GPR39: variants seen among roughly 807,000 people sequenced by gnomAD.
GPR39 encodes the protein zinc sensing receptor.
A neutral mutation model predicts 18.4 loss-of-function variants in GPR39; 23 were observed. That is an observed-to-expected ratio of 1.25 (90% CI 0.90 to 1.77). The LOEUF is 1.77. GPR39 is among the 40% of genes most tolerant of loss of function. The pLI is 0.00. For missense variants in GPR39, 647 were observed against 602.4 expected (o/e 1.07, Z -0.78); for synonymous variants, 280 against 257.9 (o/e 1.09, Z -0.82).
intron 1 of GPR39, among the ~76,000 whole-genome samples, chr2:132,578,850 TTAA>T (rs375034724): frequency 5.3e-4 from 81 of 152,252 alleles, no homozygotes; most frequent in Middle Eastern, 3.4e-3. Context: ...ACTTGTGATA[TTAA>T]TAATTTGTGT....
rs549803566 is a variant in GPR39, at chr2:132,454,868, C to T, written c.856+36970C>T. Among the ~76,000 whole-genome samples, 15 of 152,266 alleles carry T rather than the reference C, an allele frequency of 9.9e-5. No homozygotes were observed. The South Asian group carries it at 2.5e-3, about 25-fold the overall frequency. On this transcript the variant is annotated intron_variant, in intron 1 of 1. Coordinates refer to ENST00000329321, the MANE Select transcript of GPR39 (RefSeq NM_001508.3). The stretch of plus-strand genomic sequence containing the variant: ...GGTAGATAAGATTTTTGATGTGCTG[C>T]TGGATTTGGTTTGCCAGTATTATAT...
At chr2:132,438,674 A>C (rs1352195117) in intron 1 of GPR39, among the ~76,000 whole-genome samples, 2 of 146,162 alleles carry the variant, frequency 1.4e-5, no homozygotes, top group Non-Finnish European at 3.0e-5. Context: ...AATATTTACT[A>C]TCTGGCCCTT....
At chr2:132,486,829 G>A (rs1172348576) in intron 1 of GPR39, among the ~76,000 whole-genome samples, 1 of 152,196 alleles carries the variant, frequency 6.6e-6, no homozygotes, top group Non-Finnish European at 1.5e-5. Context: ...TCACTGGAAA[G>A]GCAGTTTTAA....
chr2:132,596,637 A>G (rs922170068), intron 1 of GPR39, among the ~76,000 whole-genome samples: 4 of 150,740 alleles, frequency 2.7e-5, no homozygotes, highest in African/African-American at 7.3e-5. Context: ...CCTTCTCCCA[A>G]TCTTTATTTT....
At chr2:132,548,487 T>G (rs928829263) in intron 1 of GPR39, among the ~76,000 whole-genome samples, 3 of 152,250 alleles carry the variant, frequency 2.0e-5, no homozygotes, top group African/African-American at 7.2e-5. Flanking sequence ...CTGTATTAGA[T>G]GTCTAATGGA....
intron 1 of GPR39, among the ~76,000 whole-genome samples, chr2:132,437,031 G>C (rs1232588871): frequency 6.6e-6 from 1 of 152,168 alleles, no homozygotes; most frequent in Non-Finnish European, 1.5e-5. Context: ...GAGAGTTTAA[G>C]GAACTTGCCT....
chr2:132,457,569 A>T (rs533400434), intron 1 of GPR39, among the ~76,000 whole-genome samples: 1 of 152,164 alleles, frequency 6.6e-6, no homozygotes. Context: ...GGTGTCTCCC[A>T]GTTAGGCTAC....
intron 1 of GPR39, among the ~76,000 whole-genome samples, chr2:132,640,959 G>A (rs912650350): frequency 2.0e-5 from 3 of 152,104 alleles, no homozygotes; most frequent in Non-Finnish European, 4.4e-5. Flanking sequence ...CTCCATTACC[G>A]TGCTCACTGG....
chr2:132,622,569 T>C (rs1158856098), intron 1 of GPR39, among the ~76,000 whole-genome samples: 1 of 152,180 alleles, frequency 6.6e-6, no homozygotes, highest in Non-Finnish European at 1.5e-5. Flanking sequence ...GGTAAAGCCA[T>C]AAATCAATAC....
intron 1 of GPR39, among the ~76,000 whole-genome samples, chr2:132,559,540 G>A (rs1469678252): frequency 6.6e-6 from 1 of 152,006 alleles, no homozygotes; most frequent in Non-Finnish European, 1.5e-5. Context: ...AAGCAACAGC[G>A]TGGCGCCCTG....
At chr2:132,433,514 T>C (rs375111635) in intron 1 of GPR39, among the ~76,000 whole-genome samples, 3 of 152,056 alleles carry the variant, frequency 2.0e-5, no homozygotes, top group East Asian at 3.9e-4. Flanking sequence ...TTGACTAACA[T>C]CATGGGACTC....
At chr2:132,540,126 C>T (rs1010082320) in intron 1 of GPR39, among the ~76,000 whole-genome samples, 2 of 152,176 alleles carry the variant, frequency 1.3e-5, no homozygotes, top group Admixed American at 6.5e-5. Flanking sequence ...ACTTCCTGTA[C>T]CCTTATCTGC....
intron 1 of GPR39, among the ~76,000 whole-genome samples, chr2:132,504,797 T>G (rs1373288228): frequency 6.6e-6 from 1 of 152,350 alleles, no homozygotes; most frequent in Non-Finnish European, 1.5e-5. Flanking sequence ...TATATAGTTT[T>G]TGAATTCATT....
In GPR39 at chr2:132,417,742, G is replaced by A. The variant is rs138580758; in HGVS notation, c.700G>A (p.Val234Ile). Residue 234 changes from valine to isoleucine, a missense_variant, in exon 1 of 2, where the codon GTC becomes ATC. Val to Ile is a conservative substitution (Grantham distance 29). Around this residue, in one of 3 missense-constraint regions of GPR39, gnomAD observed 581 missense variants for 506.8 expected, o/e 1.15. Coordinates refer to ENST00000329321, the MANE Select transcript of GPR39 (RefSeq NM_001508.3). The stretch of plus-strand genomic sequence containing the variant: ...CGGCGCCTTCGTGGTCTACCTCGTG[G>A]TCCTGCTCTCCGTAGCCTTCATGTG... ...IFGAFVVYLV[V>I]LLSVAFMCWN... The A allele has an allele frequency of 1.2e-6, 2 of 1,614,042 alleles. No homozygotes were observed. Among genetic ancestry groups the A allele is most frequent in the African/African-American group, 2.7e-5 (2 of 74,912 alleles).
At chr2:132,636,977 A>AG (rs34646675) in intron 1 of GPR39, among the ~76,000 whole-genome samples, 60,447 of 152,052 alleles carry the variant, frequency 0.4, 13,580 homozygotes, top group Non-Finnish European at 0.5. Flanking sequence ...CCAGGCTGAG[A>AG]GATAGCTACA....
At chr2:132,450,304 C>G (rs1220708156) in intron 1 of GPR39, among the ~76,000 whole-genome samples, 1 of 152,198 alleles carries the variant, frequency 6.6e-6, no homozygotes, top group African/African-American at 2.4e-5. Flanking sequence ...AGATGGCCAC[C>G]AACATTGAGC....
intron 1 of GPR39, among the ~76,000 whole-genome samples, chr2:132,456,205 G>C (rs904959199): frequency 1.3e-5 from 2 of 152,054 alleles, no homozygotes; most frequent in Non-Finnish European, 2.9e-5. Context: ...TCTTCTTGTT[G>C]AATTGATCCC....
At chr2:132,457,840 T>A (rs1310016002) in intron 1 of GPR39, among the ~76,000 whole-genome samples, 1 of 152,182 alleles carries the variant, frequency 6.6e-6, no homozygotes, top group African/African-American at 2.4e-5. Flanking sequence ...CCAGCAGTGG[T>A]GGACACCCCT....
At chr2:132,504,907 T>A (rs754699235) in intron 1 of GPR39, among the ~76,000 whole-genome samples, 1 of 152,232 alleles carries the variant, frequency 6.6e-6, no homozygotes, top group Non-Finnish European at 1.5e-5. Context: ...TATTCTATAT[T>A]TGGAGTTAGA....
Sources: allele counts gnomAD v4.1 joint callset (sites outside exome capture counted in the v4.1 genomes callset), GRCh38; gene constraint gnomAD v4.1.1; regional missense constraint gnomAD v4.1.1; transcripts MANE v1.5; gene names NCBI Gene and HGNC (gene_info 2026-07-23, HGNC 2026-07-21).